The following ADGRB3 variants were observed in gnomAD, a reference collection of about 807,000 sequenced individuals.
ADGRB3 encodes brain-specific angiogenesis inhibitor 3.
ADGRB3 carries 37 observed loss-of-function variants against 193.4 expected under a neutral mutation model. The ratio of observed to expected loss-of-function variants is 0.19; its 90% CI spans 0.15 to 0.25. ADGRB3 has a LOEUF of 0.25. ADGRB3 is among the 10% of genes least tolerant of loss of function. The probability of loss-of-function intolerance (pLI) is 1.00; values close to 1 mark genes in which losing one functional copy is unlikely to be tolerated. For missense variants in ADGRB3, 1,637 were observed against 1,852.9 expected, an observed-to-expected ratio of 0.88 and a Z score of 2.14; for synonymous variants, 690 against 644.2, an observed-to-expected ratio of 1.07 and a Z score of -1.08.
chr6:69,204,001 G>A lies in ADGRB3; in HGVS notation c.2481-29289G>A, dbSNP rs973127508. Among the ~76,000 whole-genome samples, 4 of 151,992 alleles carry A rather than the reference G, an allele frequency of 2.6e-5. No individual in the cohort carries two copies. In the South Asian group the frequency reaches 6.2e-4, roughly 24 times the overall value. ...AGCTTTGATAAAAGGAACAAAGCTAGCATTTTTTTTTTAACAATCCCAAAG... is the reference window on the plus strand; with the variant it reads ...AGCTTTGATAAAAGGAACAAAGCTAACATTTTTTTTTTAACAATCCCAAAG... On this transcript the variant is annotated intron_variant, in intron 17 of 31. Coordinates refer to ENST00000370598, the MANE Select transcript of ADGRB3 (RefSeq NM_001704.3).
intron 17 of ADGRB3, among the ~76,000 whole-genome samples, chr6:69,115,316 A>G (rs1773498223): frequency 1.3e-5 from 2 of 152,178 alleles, no homozygotes; most frequent in Admixed American, 1.3e-4. Flanking sequence ...GAAGCTGGAA[A>G]CCATCATTCT....
intron 3 of ADGRB3, among the ~76,000 whole-genome samples, chr6:68,892,378 A>G (rs1208415377): frequency 6.6e-6 from 1 of 152,106 alleles, no homozygotes; most frequent in African/African-American, 2.4e-5. Context: ...TTTCCTGGTC[A>G]AGGCCTTTGT....
chr6:69,118,119 A>G lies in ADGRB3; in HGVS notation c.2480+42081A>G, dbSNP rs142476247. Among the ~76,000 whole-genome samples, 1,290 of 152,312 alleles carry G rather than the reference A, an allele frequency of 8.5e-3. 30 individuals are homozygous for G. The highest frequency in any genetic ancestry group is 0.03 in the African/African-American group (1,232 of 41,562). On this transcript the variant is annotated intron_variant, in intron 17 of 31. Transcript: ENST00000370598. ...CTAGGTATGGCCCTATTATCAATCA[A>G]ATTGAGAAAGTAGCCGGTTCCCAGT...
intron 17 of ADGRB3, among the ~76,000 whole-genome samples, chr6:69,084,829 A>C (rs543386590): frequency 1.3e-3 from 191 of 152,316 alleles, no homozygotes; most frequent in Non-Finnish European, 2.4e-3. Context: ...GATAAGAATC[A>C]ACAAAAAAGT....
At chr6:68,845,209 T>A (rs1035142748) in intron 3 of ADGRB3, among the ~76,000 whole-genome samples, 1 of 152,158 alleles carries the variant, frequency 6.6e-6, no homozygotes, top group Non-Finnish European at 1.5e-5. Flanking sequence ...TATCAACATA[T>A]CTCATGTTCC....
chr6:68,888,139 G>A (rs2150227833), intron 3 of ADGRB3, among the ~76,000 whole-genome samples: 1 of 152,266 alleles, frequency 6.6e-6, no homozygotes, highest in East Asian at 1.9e-4. Flanking sequence ...GACAATGGGA[G>A]ATCAGATTGC....
At chr6:68,757,823 C>T (rs1383284360) in intron 3 of ADGRB3, among the ~76,000 whole-genome samples, 2 of 152,104 alleles carry the variant, frequency 1.3e-5, no homozygotes, top group East Asian at 3.9e-4. Context: ...TGCAGCCTGG[C>T]TTCTATAGTC....
chr6:68,965,760 TG>T (rs1768363934), intron 8 of ADGRB3, among the ~76,000 whole-genome samples: 1 of 152,158 alleles, frequency 6.6e-6, no homozygotes, highest in Non-Finnish European at 1.5e-5. Context: ...TTTGAGCTGA[TG>T]AACAAAGTTA....
chr6:68,892,881 G>T (rs989539528), intron 3 of ADGRB3, among the ~76,000 whole-genome samples: 1 of 152,180 alleles, frequency 6.6e-6, no homozygotes, highest in African/African-American at 2.4e-5. Context: ...ACTTAATGGG[G>T]AAGAAAGTTA....
chr6:68,643,980 G>A (rs1157017520), intron 3 of ADGRB3, among the ~76,000 whole-genome samples: 3 of 149,614 alleles, frequency 2.0e-5, no homozygotes, highest in African/African-American at 7.4e-5. Flanking sequence ...AGTTCTTCAA[G>A]TAAAATAAAA....
rs1356502206 is a variant in ADGRB3 at position 69,131,682 on chromosome 6, T to A, written c.2480+55644T>A. On this transcript the variant is annotated intron_variant, in intron 17 of 31. Coordinates refer to ENST00000370598, the MANE Select transcript of ADGRB3 (RefSeq NM_001704.3). ...GGGATACATGTGCCAAACATGCAGG[T>A]TTGTTACATAGGTATATGTATGCCA... Among the ~76,000 whole-genome samples, 3 of 152,112 alleles carry A rather than the reference T, an allele frequency of 2.0e-5. No homozygotes were observed. The East Asian group carries it at 5.8e-4, about 29-fold the overall frequency.
intron 17 of ADGRB3, among the ~76,000 whole-genome samples, chr6:69,100,973 AGGAAGGAAGGAAG>A (rs1773037758): frequency 1.8e-5 from 1 of 56,226 alleles, no homozygotes; most frequent in Non-Finnish European, 3.9e-5. Flanking sequence ...GAGAAAGGGA[AGGAAGGAAGGAAG>A]GAAGGAAGGA....
intron 10 of ADGRB3, among the ~76,000 whole-genome samples, chr6:68,990,592 C>G (rs1040490304): frequency 6.6e-6 from 1 of 152,124 alleles, no homozygotes; most frequent in Non-Finnish European, 1.5e-5. Context: ...CTGACCCAGA[C>G]GTGACAGACT....
chr6:68,641,979 C>T (rs1027423217), intron 3 of ADGRB3, among the ~76,000 whole-genome samples: 1 of 151,748 alleles, frequency 6.6e-6, no homozygotes, highest in Non-Finnish European at 1.5e-5. Flanking sequence ...CATTTTATTC[C>T]AGAGTGTTAT....
At chr6:68,938,763 A>G (rs1441784177) in intron 5 of ADGRB3, among the ~76,000 whole-genome samples, 1 of 152,136 alleles carries the variant, frequency 6.6e-6, no homozygotes, top group Non-Finnish European at 1.5e-5. Context: ...TGGGAAGAAT[A>G]CTTAAAACTG....
chr6:69,147,739 G>A (rs1016348547), intron 17 of ADGRB3, among the ~76,000 whole-genome samples: 2 of 152,044 alleles, frequency 1.3e-5, no homozygotes, highest in Admixed American at 1.3e-4. Context: ...TGAAAATTGG[G>A]TATTGAAGTC....
chr6:69,204,677 T>C (rs1561951787), intron 17 of ADGRB3, among the ~76,000 whole-genome samples: 1 of 152,222 alleles, frequency 6.6e-6, no homozygotes, highest in East Asian at 1.9e-4. Flanking sequence ...GTTCATATTC[T>C]TATTTTTTAC....
At chr6:68,663,370 A>G (rs2585623) in intron 3 of ADGRB3, among the ~76,000 whole-genome samples, 94,476 of 151,374 alleles carry the variant, frequency 0.62, 30,150 homozygotes, top group African/African-American at 0.75. Context: ...AATAAATCAT[A>G]TAAAATACAA....
chr6:68,732,195 A>C (rs1017975952), intron 3 of ADGRB3, among the ~76,000 whole-genome samples: 1 of 151,812 alleles, frequency 6.6e-6, no homozygotes, highest in Non-Finnish European at 1.5e-5. Context: ...TTTTAAGTTA[A>C]GGGGTACAAG....
Sources: allele counts gnomAD v4.1 joint callset (sites outside exome capture counted in the v4.1 genomes callset), GRCh38; gene constraint gnomAD v4.1.1; transcripts MANE v1.5; gene names NCBI Gene and HGNC (gene_info 2026-07-23, HGNC 2026-07-21).